ANKRD17: variants seen among roughly 807,000 people sequenced by gnomAD.
ANKRD17 encodes the protein ankyrin repeat domain-containing protein 17.
In ANKRD17, 19 loss-of-function variants were observed where a neutral mutation model predicts 229.7. That is an observed-to-expected ratio of 0.08 (90% CI 0.06 to 0.12). The LOEUF is 0.12. Among genes scored for constraint, ANKRD17 ranks in the 10% least tolerant of loss-of-function variants. ANKRD17 has a pLI of 1.00. For missense variants in ANKRD17, 2,176 were observed against 3,176.8 expected (o/e 0.68, Z 7.57); for synonymous variants, 1,112 against 1,146.1 (o/e 0.97, Z 0.60).
chr4:73,169,172 T>C (rs1733643604), intron 2 of ANKRD17: 1 of 152,238 alleles, frequency 6.6e-6, no homozygotes, highest in South Asian at 2.1e-4. Flanking sequence ...ATATATGTTG[T>C]TGATTCATTA....
At chr4:73,116,107 C>T (rs1725910579) in intron 22 of ANKRD17, among the ~76,000 whole-genome samples, 191 bp from the exon 23 acceptor site, 1 of 151,734 alleles carries the variant, frequency 6.6e-6, no homozygotes, top group Non-Finnish European at 1.5e-5. Flanking sequence ...TCTCATCCTA[C>T]CCTCCAAAAA....
At chr4:73,161,642 T>C (rs1732542306) in intron 2 of ANKRD17, among the ~76,000 whole-genome samples, 1 of 152,214 alleles carries the variant, frequency 6.6e-6, no homozygotes, top group Non-Finnish European at 1.5e-5. Context: ...AAAGAACGTA[T>C]ATTCAAAGGT....
chr4:73,204,148 G>C (rs1739104522), intron 1 of ANKRD17, among the ~76,000 whole-genome samples: 1 of 151,910 alleles, frequency 6.6e-6, no homozygotes, highest in South Asian at 2.1e-4. Flanking sequence ...CACGAGGTCA[G>C]GTCACTGAGA....
chr4:73,138,814 A>G (rs1009329446), intron 15 of ANKRD17, among the ~76,000 whole-genome samples: 1 of 152,296 alleles, frequency 6.6e-6, no homozygotes, highest in Admixed American at 6.5e-5. Flanking sequence ...TAGAAGCATA[A>G]AAACAGTCTT....
intron 16 of ANKRD17, among the ~76,000 whole-genome samples, chr4:73,130,874 T>C (rs1027082700): frequency 1.5e-4 from 23 of 152,160 alleles, no homozygotes; most frequent in African/African-American, 5.3e-4. Flanking sequence ...AGTTCTAACC[T>C]TCAAGTCAGA....
At chr4:73,097,916 A>G (rs1173830581) in intron 26 of ANKRD17, among the ~76,000 whole-genome samples, 157 bp downstream of exon 26, 1 of 152,232 alleles carries the variant, frequency 6.6e-6, no homozygotes, top group Non-Finnish European at 1.5e-5. Flanking sequence ...AATCTAAACA[A>G]AAGCTTATTC....
rs995917878 is a variant in ANKRD17 at position 73,075,165 on chromosome 4, A to G, written c.*1066T>C. ...AGATATTTTCCACTAAATTACTGAA[A>G]ATTGAAATTTTTATGTTGACTGTTG... On this transcript the variant is annotated 3_prime_UTR_variant, in exon 34 of 34. Coordinates refer to ENST00000358602, the MANE Select transcript of ANKRD17 (RefSeq NM_032217.5). 2 of 152,160 alleles carry G rather than the reference A, an allele frequency of 1.3e-5. No homozygotes were observed. Among genetic ancestry groups the G allele is most frequent in the African/African-American group, 4.8e-5 (2 of 41,466 alleles). The allele number at this position is 152,160 out of a possible 1,614,324, so 9.4% of individuals were successfully genotyped here. A position where few individuals can be genotyped will look rare whatever the true frequency, so the allele number is the denominator to read the frequency against.
At chr4:73,093,858 T>C (rs1373382903) in intron 28 of ANKRD17, among the ~76,000 whole-genome samples, 1 of 152,214 alleles carries the variant, frequency 6.6e-6, no homozygotes, top group Non-Finnish European at 1.5e-5. Flanking sequence ...TTGCTACACA[T>C]GCATACAAAT....
rs755627784 is a variant in ANKRD17 at position 73,091,597 on chromosome 4, T to C, written c.6031A>G (p.Thr2011Ala). The C allele has an allele frequency of 1.2e-6, 2 of 1,614,168 alleles. No homozygotes were observed. Among genetic ancestry groups the C allele is most frequent in the Non-Finnish European group, 1.7e-6 (2 of 1,180,020 alleles). ...TVVKTSNATT[T>A]TVTTTASNNN... ...TTGCTTGCCGTGGTTGTGACTGTTG[T>C]TGTGGTGGCATTGGATGTCTTCACA... The change falls in exon 29 of 34, where the codon ACA becomes GCA. Residue 2011 changes from threonine (T) to alanine (A), a missense_variant. Physicochemically the swap from Thr to Ala is moderately conservative, Grantham distance 58. Coordinates refer to ENST00000358602, the MANE Select transcript of ANKRD17 (RefSeq NM_032217.5).
chr4:73,211,809 T>C (rs1740304584), intron 1 of ANKRD17, among the ~76,000 whole-genome samples: 1 of 148,680 alleles, frequency 6.7e-6, no homozygotes, highest in Non-Finnish European at 1.5e-5. Flanking sequence ...ATGGTGCCAT[T>C]GTACTCCAAC....
intron 1 of ANKRD17, among the ~76,000 whole-genome samples, chr4:73,206,952 T>C (rs996660379): frequency 2.0e-5 from 3 of 152,056 alleles, no homozygotes; most frequent in African/African-American, 7.2e-5. Flanking sequence ...GCCTCCCGAA[T>C]AGCTGGGATT....
chr4:73,169,861 C>A (rs1316929022), intron 2 of ANKRD17, among the ~76,000 whole-genome samples: 1 of 152,184 alleles, frequency 6.6e-6, no homozygotes, highest in East Asian at 1.9e-4. Context: ...GATGCCTGCT[C>A]GTGGAGGGAG....
intron 30 of ANKRD17, among the ~76,000 whole-genome samples, chr4:73,079,386 T>A (rs1721320771): frequency 6.6e-6 from 1 of 152,186 alleles, no homozygotes; most frequent in Non-Finnish European, 1.5e-5. Context: ...ATTCATTTTT[T>A]ATTTATTTTA....
chr4:73,258,161 T>C, intron 1 of ANKRD17, 115 bp downstream of exon 1: 1 of 1,519,948 alleles, frequency 6.6e-7, no homozygotes, highest in Admixed American at 1.9e-5. Context: ...GTCGAAAGCC[T>C]GGCCCCTAAG....
chr4:73,231,046 A>T (rs1742995526), intron 1 of ANKRD17, among the ~76,000 whole-genome samples: 2 of 152,194 alleles, frequency 1.3e-5, no homozygotes, highest in Non-Finnish European at 1.5e-5. Flanking sequence ...AAATAGGTTA[A>T]ATCTATTGAT....
intron 30 of ANKRD17, among the ~76,000 whole-genome samples, chr4:73,083,365 C>T (rs1203965906): frequency 6.6e-6 from 1 of 152,112 alleles, no homozygotes; most frequent in Admixed American, 6.5e-5. Context: ...TATCCTTATT[C>T]TTAAGTGATG....
At chr4:73,096,468 TACTGCACTTAGGGATTA>T (rs1467027864) in intron 27 of ANKRD17, among the ~76,000 whole-genome samples, 1 of 152,216 alleles carries the variant, frequency 6.6e-6, no homozygotes, top group Non-Finnish European at 1.5e-5. Context: ...AAAACCTGTA[TACTGCACTTAGGGATTA>T]ACAGTAGTTA....
chr4:73,237,384 A>C (rs1387028428), intron 1 of ANKRD17, among the ~76,000 whole-genome samples: 2 of 152,226 alleles, frequency 1.3e-5, no homozygotes, highest in Admixed American at 6.5e-5. Context: ...CCCTCATATG[A>C]AAAGACATCT....
chr4:73,188,149 T>G (rs1736542806), intron 1 of ANKRD17, among the ~76,000 whole-genome samples: 1 of 151,542 alleles, frequency 6.6e-6, no homozygotes, highest in Non-Finnish European at 1.5e-5. Context: ...AACTAAAACT[T>G]AGCTATAAGA....
Sources: allele counts gnomAD v4.1 joint callset (sites outside exome capture counted in the v4.1 genomes callset), GRCh38; gene constraint gnomAD v4.1.1; transcripts MANE v1.5; gene names NCBI Gene and HGNC (gene_info 2026-07-23, HGNC 2026-07-21).